Variants in PRKDC observed in about 807,000 individuals in gnomAD.
PRKDC encodes protein kinase, DNA-activated, catalytic subunit, also known as DNA-dependent protein kinase catalytic subunit.
PRKDC carries 82 observed loss-of-function variants against 486.9 expected under a neutral mutation model. That is an observed-to-expected ratio of 0.17 (90% CI 0.14 to 0.20). The LOEUF (loss-of-function observed/expected upper bound fraction) is 0.20, where lower values mean the gene tolerates loss of function less well. PRKDC is among the 10% of genes least tolerant of loss of function. The probability of loss-of-function intolerance (pLI) is 1.00; values close to 1 mark genes in which losing one functional copy is unlikely to be tolerated. For missense variants in PRKDC, 4,504 were observed against 5,038.2 expected, an observed-to-expected ratio of 0.89 and a Z score of 3.21; for synonymous variants, 1,895 against 1,837.0, an observed-to-expected ratio of 1.03 and a Z score of -0.81.
Position 47,864,620 on chromosome 8 carries a change from A to G in PRKDC, c.5507T>C (p.Leu1836Ser). Residue 1836 changes from leucine to serine, a missense_variant, in exon 41 of 86, where the codon TTG becomes TCG. By Grantham distance (145) the Leu-to-Ser change is moderately radical (BLOSUM62 -2). Around this residue, in one of 6 missense-constraint regions of PRKDC, gnomAD observed 1,969 missense variants for 2,068.9 expected, o/e 0.95. Coordinates refer to ENST00000314191, the MANE Select transcript of PRKDC (RefSeq NM_006904.7). Reference protein sequence around the residue: ...TLLWHCSLDALREFFSTIVVD... With the variant: ...TLLWHCSLDASREFFSTIVVD... Reference sequence around the variant, plus strand: ...CACAATTGTGCTGAAGAATTCTCTCAAAGCATCCAGGCTACAGTGCCACAG... The same window carrying G: ...CACAATTGTGCTGAAGAATTCTCTCGAAGCATCCAGGCTACAGTGCCACAG... 1 of 1,610,188 alleles carries G rather than the reference A, an allele frequency of 6.2e-7. No homozygotes were observed. The highest frequency in any genetic ancestry group is 8.5e-7 in the Non-Finnish European group (1 of 1,178,394).
chr8:47,858,167 G>C (rs1466592634), intron 48 of PRKDC, among the ~76,000 whole-genome samples: 1 of 151,346 alleles, frequency 6.6e-6, no homozygotes, highest in Non-Finnish European at 1.5e-5. Context: ...GAGTTAACAG[G>C]AATATTTTCT....
chr8:47,820,859 C>T lies in PRKDC; in HGVS notation c.9196G>A (p.Asp3066Asn). 2 of 1,612,106 alleles carry T rather than the reference C, an allele frequency of 1.2e-6. No individual in the cohort carries two copies. The highest frequency in any genetic ancestry group is 1.1e-5 in the South Asian group (1 of 90,830). ...EADQSLLTFIDKAMHGELQKA... is the reference protein window; with the variant it reads ...EADQSLLTFINKAMHGELQKA... Reference sequence around the variant, plus strand: ...TGGAGCTCCCCGTGCATAGCTTTGTCAATAAATGTCAGCAGGGACTGGTCA... The same window carrying T: ...TGGAGCTCCCCGTGCATAGCTTTGTTAATAAATGTCAGCAGGGACTGGTCA... The change falls in exon 66 of 86, where the codon GAC (aspartate) becomes AAC (asparagine). Residue 3066 changes from aspartate (D) to asparagine (N), a missense_variant. Around this residue, in one of 6 missense-constraint regions of PRKDC, gnomAD observed 1,592 missense variants for 1,724.6 expected, o/e 0.92. Transcript: ENST00000314191.
At chr8:47,924,551 C>T (rs2090123862) in intron 21 of PRKDC, among the ~76,000 whole-genome samples, 1 of 151,784 alleles carries the variant, frequency 6.6e-6, no homozygotes, top group Non-Finnish European at 1.5e-5. Flanking sequence ...CAGAGTGAGA[C>T]TCTGTCTCAA....
rs71548446 is a variant in PRKDC, at chr8:47,835,620, C to CAAAA, written c.7951+714_7951+717dup. On this transcript the variant is annotated intron_variant, in intron 58 of 85. Transcript: ENST00000314191. ...CTGGTGACAGAGCAGGACTCTGTCT[C>CAAAA]AAAAAAAAAAAAAAAAAAAAAAAAA... 2.7e-3 allele frequency among the ~76,000 whole-genome samples: 56 copies of CAAAA among 20,478 alleles called. 5 individuals are homozygous for CAAAA. Among genetic ancestry groups the CAAAA allele is most frequent in the Admixed American group, 0.024 (27 of 1,120 alleles). The allele number at this position is 20,478 out of a possible 152,430, so 13.4% of individuals were successfully genotyped here.
chr8:47,874,778 G>GGCA (rs1779902175), intron 40 of PRKDC, among the ~76,000 whole-genome samples: 1 of 152,016 alleles, frequency 6.6e-6, no homozygotes, highest in African/African-American at 2.4e-5. Context: ...CTGGAGGCCA[G>GGCA]GCACAGTGGC....
At chr8:47,835,423 T>G (rs552768180) in intron 58 of PRKDC, among the ~76,000 whole-genome samples, 19 of 151,854 alleles carry the variant, frequency 1.3e-4, no homozygotes, top group African/African-American at 4.6e-4. Flanking sequence ...ATCTAGACCA[T>G]CTGGCCAATG....
intron 58 of PRKDC, 81 bp from the exon 59 acceptor site, chr8:47,834,477 C>G: frequency 6.9e-7 from 1 of 1,440,074 alleles, no homozygotes; most frequent in Non-Finnish European, 9.5e-7. Context: ...CCAGGACACA[C>G]CTGGTGGCAC....
intron 68 of PRKDC, among the ~76,000 whole-genome samples, chr8:47,807,707 C>T (rs568507429): frequency 2.7e-5 from 4 of 148,620 alleles, no homozygotes; most frequent in East Asian, 4.1e-4. Context: ...CGTGAGCCAC[C>T]GCACCCGGCC....
chr8:47,853,123 A>G (rs1288797124), intron 51 of PRKDC, among the ~76,000 whole-genome samples: 1 of 152,200 alleles, frequency 6.6e-6, no homozygotes, highest in Non-Finnish European at 1.5e-5. Context: ...AAACCCACCT[A>G]CTATAGCAGG....
intron 68 of PRKDC, among the ~76,000 whole-genome samples, chr8:47,812,915 A>T (rs913001522): frequency 6.6e-6 from 1 of 151,992 alleles, no homozygotes; most frequent in African/African-American, 2.4e-5. Flanking sequence ...CTCCACAGAC[A>T]CTACAAATAA....
Position 47,817,615 on chromosome 8 carries a change from TGA to T in PRKDC, c.9446-56_9446-55del, listed in dbSNP as rs993348942. ...CACACAGCTCAATTATAAGATCAAA[TGA>T]CAAAGGTCATTATCAGTAAATAGAA... On this transcript the variant is annotated intron_variant, in intron 67 of 85. Transcript: ENST00000314191. 6.1e-6 allele frequency: 7 copies of T among 1,141,146 alleles called. No homozygotes were observed. In the African/African-American group the frequency reaches 1.1e-4, roughly 18 times the overall value. The allele number at this position is 1,141,146 out of a possible 1,614,324, so 70.7% of individuals were successfully genotyped here. A position where few individuals can be genotyped will look rare whatever the true frequency, so the allele number is the denominator to read the frequency against.
Position 47,859,751 on chromosome 8 carries a change from A to G in PRKDC, c.6067T>C (p.Ser2023Pro), listed in dbSNP as rs56042895. Residue 2023 changes from serine (S) to proline (P), a missense_variant, in exon 46 of 86, where the codon TCC becomes CCC. Ser to Pro is a moderately conservative substitution (Grantham distance 74). This residue lies in a region of PRKDC where 1,592 missense variants were observed against 1,724.6 expected (regional missense o/e 0.92). Transcript: ENST00000314191. ...EAANGDSDGPSYMSSLSYLAD... is the reference protein window; with the variant it reads ...EAANGDSDGPPYMSSLSYLAD... ...AAATATGACAGGGAAGACATATAGG[A>G]AGGACCATCTGAAATATAAAAAAGG... is the stretch of plus-strand genomic sequence containing the variant. 6.9e-4 allele frequency: 1,113 copies of G among 1,610,822 alleles called. 4 individuals are homozygous for G. The African/African-American group carries it at 0.012, about 17-fold the overall frequency.
chr8:47,917,542 A>G (rs960013702), intron 22 of PRKDC, among the ~76,000 whole-genome samples: 60 of 152,322 alleles, frequency 3.9e-4, no homozygotes, highest in Admixed American at 1.1e-3. Flanking sequence ...TATTTACGTC[A>G]TATTTTACTA....
chr8:47,779,270 A>G, intron 80 of PRKDC, 177 bp from the exon 81 acceptor site: 1 of 529,140 alleles, frequency 1.9e-6, no homozygotes, highest in Non-Finnish European at 3.3e-6. Context: ...CTTGAATTTC[A>G]ATATACCATT....
At chr8:47,804,866 A>T (rs1426130278) in intron 69 of PRKDC, among the ~76,000 whole-genome samples, 6 of 152,018 alleles carry the variant, frequency 3.9e-5, no homozygotes, top group Non-Finnish European at 8.8e-5. Flanking sequence ...GGTTCAAGCG[A>T]TTCTCCTGCC....
chr8:47,859,921 A>C (rs564706112), intron 45 of PRKDC, among the ~76,000 whole-genome samples, 162 bp from the exon 46 acceptor site: 1 of 152,348 alleles, frequency 6.6e-6, no homozygotes, highest in Non-Finnish European at 1.5e-5. Context: ...AAAGCAAAAA[A>C]GAAATGGGGA....
chr8:47,896,461 C>A lies in PRKDC; in HGVS notation c.3598+700G>T, dbSNP rs550646323. Among the ~76,000 whole-genome samples the A allele has an allele frequency of 1.7e-3, 258 of 152,108 alleles. 1 individual carries two copies. Among genetic ancestry groups the A allele is most frequent in the African/African-American group, 5.9e-3 (244 of 41,514 alleles). ...AGCAGATAGAGACCATCCTGGCTAA[C>A]ACGGTGAAACCCCGTCTCTACTAAA... On this transcript the variant is annotated intron_variant, in intron 30 of 85. Transcript: ENST00000314191.
chr8:47,918,012 T>C (rs2090014326), intron 22 of PRKDC, among the ~76,000 whole-genome samples: 2 of 152,078 alleles, frequency 1.3e-5, no homozygotes. Flanking sequence ...ACCCAGCTAA[T>C]TTTTTGTATT....
In PRKDC at chr8:47,887,521, G is replaced by A. The variant is rs758745360; in HGVS notation, c.4572+26C>T. 5 of 1,540,708 alleles carry A rather than the reference G, an allele frequency of 3.2e-6. No individual in the cohort carries two copies. The South Asian group carries it at 3.8e-5, about 12-fold the overall frequency. On this transcript the variant is annotated intron_variant, in intron 35 of 85. Coordinates refer to ENST00000314191, the MANE Select transcript of PRKDC (RefSeq NM_006904.7). ...TATGTATTTCTATTATTAGGGGAGT[G>A]CAGCATGCAGAGGCGTTTTTCCTAC...
Sources: allele counts gnomAD v4.1 joint callset (sites outside exome capture counted in the v4.1 genomes callset), GRCh38; gene constraint gnomAD v4.1.1; regional missense constraint gnomAD v4.1.1; transcripts MANE v1.5; gene names NCBI Gene and HGNC (gene_info 2026-07-23, HGNC 2026-07-21).